Variants in USF1 observed in about 807,000 individuals in gnomAD.
USF1 encodes upstream stimulatory factor 1.
A neutral mutation model predicts 46.3 loss-of-function variants in USF1; 22 were observed. The ratio of observed to expected loss-of-function variants is 0.47; its 90% CI spans 0.34 to 0.68. The LOEUF (loss-of-function observed/expected upper bound fraction) is 0.68. USF1 is among the 30% of genes least tolerant of loss of function. The pLI, the probability that USF1 is intolerant of heterozygous loss-of-function variation, is 0.01. For synonymous variants in USF1, 150 were observed against 147.0 expected (o/e 1.02, Z -0.15); for missense variants, 287 against 399.3 (o/e 0.72, Z 2.40).
At chr1:161,041,036 C>T (rs965255747) in intron 7 of USF1, among the ~76,000 whole-genome samples, 164 bp from the exon 8 acceptor site, 5 of 151,884 alleles carry the variant, frequency 3.3e-5, no homozygotes, top group African/African-American at 1.2e-4. Flanking sequence ...CCGAGGCAGG[C>T]GGATCACTTG....
chr1:161,043,854 G>C (rs1237668448), intron 1 of USF1, among the ~76,000 whole-genome samples: 1 of 150,226 alleles, frequency 6.7e-6, no homozygotes, highest in Non-Finnish European at 1.5e-5. Context: ...GAACTCCTGA[G>C]AGCATGATCT....
rs776794721 is a variant in USF1, at chr1:161,042,196, C to G, written c.196G>C (p.Val66Leu). The change falls in exon 5 of 11, where the codon GTG (valine) becomes CTG (leucine). Residue 66 changes from valine (V) to leucine (L), a missense_variant. By Grantham distance (32) the Val-to-Leu change is conservative. Coordinates refer to ENST00000368021, the MANE Select transcript of USF1 (RefSeq NM_007122.5). ...TGGCCATCCAGCTGCCCCTCAGACA[C>G]CTGGATCACCCTGTACATCACCTAG... ...GGQVMYRVIQ[V>L]SEGQLDGQTE... 1 of 1,613,932 alleles carries G rather than the reference C, an allele frequency of 6.2e-7. No homozygotes were observed. Among genetic ancestry groups the G allele is most frequent in the Non-Finnish European group, 8.5e-7 (1 of 1,179,932 alleles).
In USF1 at chr1:161,041,466, C is replaced by G. The variant is rs1650557152; in HGVS notation, c.473-55G>C. 4 of 1,570,854 alleles carry G rather than the reference C, an allele frequency of 2.5e-6. No individual in the cohort carries two copies. The Admixed American group carries it at 7.0e-5, about 28-fold the overall frequency. On this transcript the variant is annotated intron_variant, in intron 6 of 10. Coordinates refer to ENST00000368021, the MANE Select transcript of USF1 (RefSeq NM_007122.5). ...GACATGGGTAGGAACCTCACCAAGCCCTGAGGTGAAGACCCTGGTCCCCTC... is the reference window on the plus strand; with the variant it reads ...GACATGGGTAGGAACCTCACCAAGCGCTGAGGTGAAGACCCTGGTCCCCTC...
intron 1 of USF1, among the ~76,000 whole-genome samples, chr1:161,044,194 C>T (rs1431424638): frequency 6.6e-6 from 1 of 152,114 alleles, no homozygotes; most frequent in African/African-American, 2.4e-5. Flanking sequence ...CCGCCTGCCT[C>T]GGCCTCCCAA....
Position 161,042,177 on chromosome 1 carries a change from T to C in USF1, c.215A>G (p.Asp72Gly). 2 of 1,614,022 alleles carry C rather than the reference T, an allele frequency of 1.2e-6. No homozygotes were observed. The highest frequency in any genetic ancestry group is 1.7e-6 in the Non-Finnish European group (2 of 1,179,976). The change falls in exon 5 of 11, where the codon GAT (aspartate) becomes GGT (glycine). Residue 72 changes from aspartate (D) to glycine (G), a missense_variant. Physicochemically the swap from Asp to Gly is moderately conservative, Grantham distance 94 (BLOSUM62 -1). Coordinates refer to ENST00000368021, the MANE Select transcript of USF1 (RefSeq NM_007122.5). ...GGCGCCAGTTCCCTCAGTTTGGCCA[T>C]CCAGCTGCCCCTCAGACACCTGGAT... The part of the protein sequence containing the change: ...RVIQVSEGQL[D>G]GQTEGTGAIS...
chr1:161,039,823 G>T lies in USF1; in HGVS notation c.*97C>A. ...CCTTCTGAACTTCCCCCTGTCCCATGCCAGAAGTGGGGCAGTGAAGGAAAG... is the reference window on the plus strand; with the variant it reads ...CCTTCTGAACTTCCCCCTGTCCCATTCCAGAAGTGGGGCAGTGAAGGAAAG... On this transcript the variant is annotated 3_prime_UTR_variant, in exon 11 of 11. Coordinates refer to ENST00000368021, the MANE Select transcript of USF1 (RefSeq NM_007122.5). 1 of 1,287,384 alleles carries T rather than the reference G, an allele frequency of 7.8e-7. No homozygotes were observed. 79.7% of individuals were successfully genotyped at this position (1,287,384 alleles called of 1,614,324 possible).
Position 161,040,967 on chromosome 1 carries a change from G to C in USF1, c.561-95C>G. On this transcript the variant is annotated intron_variant, in intron 7 of 10. Transcript: ENST00000368021. This position sits in a 1 kb window ranked among gnomAD's most constrained non-coding sequence, Gnocchi z 4.0. Reference sequence around the variant, plus strand: ...TTATACAAGATTTAGCAGGTATTAGGACCACTTATGGTAGCTAGGTGTGGT... The same window carrying C: ...TTATACAAGATTTAGCAGGTATTAGCACCACTTATGGTAGCTAGGTGTGGT... The C allele has an allele frequency of 6.6e-7, 1 of 1,518,270 alleles. No individual in the cohort carries two copies. The highest frequency in any genetic ancestry group is 2.3e-5 in the East Asian group (1 of 44,230). 94.0% of individuals were successfully genotyped at this position (1,518,270 alleles called of 1,614,324 possible). A position where few individuals can be genotyped will look rare whatever the true frequency, so the allele number is the denominator to read the frequency against.
At chr1:161,043,842 T>A (rs1650684015) in intron 1 of USF1, among the ~76,000 whole-genome samples, 1 of 151,122 alleles carries the variant, frequency 6.6e-6, no homozygotes. Context: ...CCGGCTGGTC[T>A]CGAACTCCTG....
In USF1 at chr1:161,040,189, G is replaced by T; in HGVS notation, c.843+13C>A. 1 of 1,613,908 alleles carries T rather than the reference G, an allele frequency of 6.2e-7. No homozygotes were observed. Among genetic ancestry groups the T allele is most frequent in the Non-Finnish European group, 8.5e-7 (1 of 1,179,944 alleles). On this transcript the variant is annotated intron_variant, in intron 10 of 10. Transcript: ENST00000368021. The surrounding 1 kb of genome is among the most constrained non-coding windows in gnomAD (Gnocchi z 4.0). Reference sequence around the variant, plus strand: ...AGAACTGAGAAGGGCTGCACTGGGGGTAGGAGTCTGACCTGTTGTCGAAGC... The same window carrying T: ...AGAACTGAGAAGGGCTGCACTGGGGTTAGGAGTCTGACCTGTTGTCGAAGC...
Position 161,040,444 on chromosome 1 carries a change from C to A in USF1, c.715-114G>T. On this transcript the variant is annotated intron_variant, in intron 9 of 10. Transcript: ENST00000368021. This position sits in a 1 kb window ranked among gnomAD's most constrained non-coding sequence, Gnocchi z 4.0. Reference sequence around the variant, plus strand: ...TCATCTAAGGAAGGTGGTATAATATCTCCCAGGGATACAGGAACCTCAGGG... The same window carrying A: ...TCATCTAAGGAAGGTGGTATAATATATCCCAGGGATACAGGAACCTCAGGG... 1 of 1,569,080 alleles carries A rather than the reference C, an allele frequency of 6.4e-7. No homozygotes were observed. The highest frequency in any genetic ancestry group is 8.7e-7 in the Non-Finnish European group (1 of 1,154,488).
intron 7 of USF1, 31 bp downstream of exon 7, chr1:161,041,293 C>G: frequency 1.8e-6 from 2 of 1,101,946 alleles, no homozygotes; most frequent in Non-Finnish European, 2.7e-6. Context: ...AAACCACTTA[C>G]GGAATCTGAG....
intron 1 of USF1, among the ~76,000 whole-genome samples, chr1:161,044,360 C>CTGT (rs1650709444): frequency 6.6e-6 from 1 of 152,188 alleles, no homozygotes; most frequent in Non-Finnish European, 1.5e-5. Context: ...GTGTCATGGA[C>CTGT]ACTGATGCTT....
At position 161,039,809 on chromosome 1, in the gene USF1, T is replaced by TC; in HGVS notation, c.*110dup. ...AGTTCAAGGACACACCTTCTGAACT[T>TC]CCCCCTGTCCCATGCCAGAAGTGGG... is the stretch of plus-strand genomic sequence containing the variant. On this transcript the variant is annotated 3_prime_UTR_variant, in exon 11 of 11. Coordinates refer to ENST00000368021, the MANE Select transcript of USF1 (RefSeq NM_007122.5). The TC allele has an allele frequency of 8.9e-7, 1 of 1,129,202 alleles. No individual in the cohort carries two copies. The highest frequency in any genetic ancestry group is 1.3e-6 in the Non-Finnish European group (1 of 777,324). The allele number at this position is 1,129,202 out of a possible 1,614,324, so 69.9% of individuals were successfully genotyped here.
chr1:161,041,946 G>GAA, intron 5 of USF1, 100 bp from the exon 6 acceptor site: 1 of 1,220,610 alleles, frequency 8.2e-7, no homozygotes, highest in South Asian at 1.5e-5. Flanking sequence ...TAGGTAGGGT[G>GAA]GAGAGAGAGA....
Position 161,042,849 on chromosome 1 carries a change from T to A in USF1, c.42A>T (p.Thr14=). 6.2e-7 allele frequency: 1 copy of A among 1,614,236 alleles called. No homozygotes were observed. The highest frequency in any genetic ancestry group is 1.3e-5 in the African/African-American group (1 of 75,052). Reference sequence around the variant, plus strand: ...AGCACTCACCTTCCTGAATCTGCACTGTCCCCTCTTCCGTTTCAGCTGTTT... The same window carrying A: ...AGCACTCACCTTCCTGAATCTGCACAGTCCCCTCTTCCGTTTCAGCTGTTT... ...QQKTAETEEG[T]VQIQEGAVAT... Residue 14 remains threonine, a synonymous_variant, in exon 3 of 11, where the codon ACA becomes ACT. Transcript: ENST00000368021.
chr1:161,043,429 G>C, intron 1 of USF1, 69 bp from the exon 2 acceptor site: 1 of 1,241,768 alleles, frequency 8.1e-7, no homozygotes, highest in Non-Finnish European at 1.1e-6. Context: ...TAGAACTTAG[G>C]TTCCATGAAC....
chr1:161,042,716 C>G, intron 3 of USF1, 46 bp from the exon 4 acceptor site: 1 of 1,612,540 alleles, frequency 6.2e-7, no homozygotes, highest in Non-Finnish European at 8.5e-7. Flanking sequence ...AACTGCCTTT[C>G]TACCCCCGTT....
At chr1:161,044,292 T>C (rs1650707754) in intron 1 of USF1, among the ~76,000 whole-genome samples, 1 of 152,226 alleles carries the variant, frequency 6.6e-6, no homozygotes, top group African/African-American at 2.4e-5. Flanking sequence ...CCTGCCATGA[T>C]GGCAGCTTCA....
chr1:161,041,966 AG>A, intron 5 of USF1, 120 bp from the exon 6 acceptor site: 1 of 1,340,768 alleles, frequency 7.5e-7, no homozygotes, highest in Non-Finnish European at 1.0e-6. Context: ...AGAGAGAGAG[AG>A]AGAAACATCC....
Sources: allele counts gnomAD v4.1 joint callset (sites outside exome capture counted in the v4.1 genomes callset), GRCh38; gene constraint gnomAD v4.1.1; non-coding constraint Gnocchi (gnomAD v3.1); transcripts MANE v1.5; gene names NCBI Gene and HGNC (gene_info 2026-07-23, HGNC 2026-07-21).